SMURF2: variants seen among roughly 807,000 people sequenced by gnomAD.
SMURF2 encodes the protein SMAD specific E3 ubiquitin protein ligase 2, also known as E3 ubiquitin-protein ligase SMURF2.
Under a neutral mutation model 109.6 loss-of-function variants are expected in SMURF2, and 48 were observed. The observed-to-expected ratio is 0.44, with a 90% confidence interval of 0.35 to 0.56. The LOEUF is 0.56. SMURF2 is among the 20% of genes least tolerant of loss of function. The pLI, the probability that SMURF2 is intolerant of heterozygous loss-of-function variation, is 0.01. For synonymous variants in SMURF2, 288 were observed against 317.1 expected, an observed-to-expected ratio of 0.91 and a Z score of 0.97; for missense variants, 575 against 909.0, an observed-to-expected ratio of 0.63 and a Z score of 4.72.
chr17:64,617,538 T>G (rs1325775608), intron 1 of SMURF2, among the ~76,000 whole-genome samples: 2 of 152,014 alleles, frequency 1.3e-5, no homozygotes, highest in Non-Finnish European at 2.9e-5. Flanking sequence ...TGGAATGGAG[T>G]GGCGCAAACA....
chr17:64,639,586 AG>A (rs1970467566), intron 1 of SMURF2, among the ~76,000 whole-genome samples: 1 of 152,134 alleles, frequency 6.6e-6, no homozygotes, highest in Non-Finnish European at 1.5e-5. Context: ...CAAAAAAAAA[AG>A]AAAATTAAGG....
chr17:64,631,320 G>C lies in SMURF2; in HGVS notation c.53-24680C>G, dbSNP rs923521437. Among the ~76,000 whole-genome samples, 803 of 122,446 alleles carry C rather than the reference G, an allele frequency of 6.6e-3. 16 individuals carry two copies. The highest frequency in any genetic ancestry group is 0.027 in the African/African-American group (756 of 28,404). The allele number at this position is 122,446 out of a possible 152,430, so 80.3% of individuals were successfully genotyped here. A position where few individuals can be genotyped will look rare whatever the true frequency, so the allele number is the denominator to read the frequency against. ...AGAGAGAGAGAGAGAGAGAGAGAGA[G>C]AGAGAGACAGAGAGAGAGAGACAGA... On this transcript the variant is annotated intron_variant, in intron 1 of 18. Transcript: ENST00000262435.
chr17:64,600,096 C>T (rs781824556), intron 2 of SMURF2, among the ~76,000 whole-genome samples: 41 of 151,912 alleles, frequency 2.7e-4, no homozygotes, highest in Admixed American at 1.3e-3. Context: ...TATTCAGGGC[C>T]CACTAGGAGA....
intron 1 of SMURF2, among the ~76,000 whole-genome samples, chr17:64,651,290 A>C (rs1477824397): frequency 6.7e-6 from 1 of 149,358 alleles, no homozygotes; most frequent in Non-Finnish European, 1.5e-5. Context: ...ATATACACAT[A>C]AAGCTGGGCG....
Position 64,580,996 on chromosome 17 carries a change from T to C in SMURF2, c.570-5A>G. On this transcript the variant is annotated splice_region_variant and splice_polypyrimidine_tract_variant and intron_variant, in intron 7 of 18. Coordinates refer to ENST00000262435, the MANE Select transcript of SMURF2 (RefSeq NM_022739.4). ...CTAGAATATTCGGATGCCGGTCTAT[T>C]GAAAATTAACAAGGAAAAGATGTTA... 2 of 1,613,946 alleles carry C rather than the reference T, an allele frequency of 1.2e-6. No individual in the cohort carries two copies. Among genetic ancestry groups the C allele is most frequent in the Non-Finnish European group, 1.7e-6 (2 of 1,179,850 alleles).
chr17:64,610,120 A>G (rs1970024263), intron 1 of SMURF2, among the ~76,000 whole-genome samples: 1 of 152,218 alleles, frequency 6.6e-6, no homozygotes, highest in Admixed American at 6.5e-5. Context: ...GATGCTGGAG[A>G]GGATGTGGAG....
chr17:64,630,517 C>T (rs1036896621), intron 1 of SMURF2, among the ~76,000 whole-genome samples: 1 of 152,092 alleles, frequency 6.6e-6, no homozygotes, highest in Non-Finnish European at 1.5e-5. Context: ...CCCAAACTGG[C>T]GCAACAGGTT....
chr17:64,595,157 C>G (rs1252218292), intron 3 of SMURF2, among the ~76,000 whole-genome samples: 1 of 152,024 alleles, frequency 6.6e-6, no homozygotes, highest in Non-Finnish European at 1.5e-5. Flanking sequence ...TTTATGTGTA[C>G]CATGATATGA....
intron 1 of SMURF2, among the ~76,000 whole-genome samples, chr17:64,615,874 G>C (rs1170896009): frequency 6.6e-6 from 1 of 151,998 alleles, no homozygotes; most frequent in Non-Finnish European, 1.5e-5. Context: ...CTGTTGCCCA[G>C]GCTGGAGTGC....
chr17:64,633,625 C>T (rs1970376508), intron 1 of SMURF2, among the ~76,000 whole-genome samples: 1 of 152,168 alleles, frequency 6.6e-6, no homozygotes, highest in Non-Finnish European at 1.5e-5. Flanking sequence ...TTGTTTTTCA[C>T]ATAACATGAA....
Position 64,558,142 on chromosome 17 carries a change from G to A in SMURF2, c.1317-420C>T, listed in dbSNP as rs1462256326. 4.6e-5 allele frequency among the ~76,000 whole-genome samples: 7 copies of A among 152,198 alleles called. No individual in the cohort carries two copies. The East Asian group carries it at 1.3e-3, about 29-fold the overall frequency. ...AGGCTGGGGACGGTGGCTCACACCT[G>A]TAATCCCAGCACTTTGGGGGGCCAA... is the stretch of plus-strand genomic sequence containing the variant. On this transcript the variant is annotated intron_variant, in intron 12 of 18. Coordinates refer to ENST00000262435, the MANE Select transcript of SMURF2 (RefSeq NM_022739.4).
At chr17:64,563,956 A>G (rs1969264272) in intron 10 of SMURF2, among the ~76,000 whole-genome samples, 1 of 152,224 alleles carries the variant, frequency 6.6e-6, no homozygotes, top group South Asian at 2.1e-4. Flanking sequence ...AAACTAAAAG[A>G]CAAGTCAAGT....
chr17:64,621,679 G>T (rs1451273688), intron 1 of SMURF2, among the ~76,000 whole-genome samples: 2 of 151,396 alleles, frequency 1.3e-5, no homozygotes, highest in African/African-American at 4.9e-5. Flanking sequence ...TTCAAGACCA[G>T]CCTGGCCAAC....
chr17:64,569,226 G>A (rs781800982), intron 10 of SMURF2, among the ~76,000 whole-genome samples: 3 of 151,378 alleles, frequency 2.0e-5, no homozygotes, highest in Non-Finnish European at 4.4e-5. Flanking sequence ...GCTTGAACCC[G>A]GGATGTGGAG....
chr17:64,599,782 C>T lies in SMURF2; in HGVS notation c.92-1292G>A, dbSNP rs117830551. Among the ~76,000 whole-genome samples, 221 of 152,290 alleles carry T rather than the reference C, an allele frequency of 1.5e-3. 3 individuals carry two copies. The East Asian group carries it at 0.019, about 13-fold the overall frequency. On this transcript the variant is annotated intron_variant, in intron 2 of 18. Coordinates refer to ENST00000262435, the MANE Select transcript of SMURF2 (RefSeq NM_022739.4). ...TTGGAAAAACTGTCTTGCATGAAACCGGTCCCTGTGCCGAAGGTTGGGGGC... is the reference window on the plus strand; with the variant it reads ...TTGGAAAAACTGTCTTGCATGAAACTGGTCCCTGTGCCGAAGGTTGGGGGC...
chr17:64,653,566 T>A (rs574677231), intron 1 of SMURF2, among the ~76,000 whole-genome samples: 1 of 152,032 alleles, frequency 6.6e-6, no homozygotes, highest in South Asian at 2.1e-4. Flanking sequence ...CAATCCTCCA[T>A]CAGCTTCTCA....
At chr17:64,626,896 TTAAAC>T (rs1970275082) in intron 1 of SMURF2, among the ~76,000 whole-genome samples, 2 of 151,130 alleles carry the variant, frequency 1.3e-5, no homozygotes, top group Admixed American at 1.3e-4. Context: ...AGGAATAACA[TTAAAC>T]TATCACATGA....
chr17:64,572,803 G>C (rs1439648851), intron 9 of SMURF2: 1 of 152,058 alleles, frequency 6.6e-6, no homozygotes, highest in African/African-American at 2.4e-5. Context: ...CAGAGTTGTA[G>C]CCTCTGTAAT....
intron 1 of SMURF2, among the ~76,000 whole-genome samples, chr17:64,611,196 T>C (rs1199929552): frequency 6.6e-6 from 1 of 152,198 alleles, no homozygotes; most frequent in African/African-American, 2.4e-5. Context: ...AACTGTTACA[T>C]ATATGTTTAT....
Sources: gnomAD v4.1 joint callset for allele counts (sites outside exome capture counted in the v4.1 genomes callset) on GRCh38, gnomAD v4.1.1 for gene constraint, MANE v1.5 for transcripts, NCBI Gene and HGNC (gene_info 2026-07-23, HGNC 2026-07-21) for gene names.